Variants in ECHDC1 observed in about 807,000 individuals in gnomAD.
ECHDC1 encodes ethylmalonyl-CoA decarboxylase.
In ECHDC1, 29 loss-of-function variants were observed where a neutral mutation model predicts 29.7. The observed-to-expected ratio is 0.98, with a 90% CI of 0.73 to 1.33. The LOEUF is 1.33. Ranked by LOEUF, ECHDC1 falls within the 40% of genes most tolerant of loss-of-function variation. The pLI, the probability that ECHDC1 is intolerant of heterozygous loss-of-function variation, is 0.00. For synonymous variants in ECHDC1, 126 were observed against 123.1 expected, an observed-to-expected ratio of 1.02 and a Z score of -0.15; for missense variants, 328 against 350.0, an observed-to-expected ratio of 0.94 and a Z score of 0.50.
In ECHDC1 at chr6:127,311,707, AAAAG is replaced by A. The variant is rs71024773; in HGVS notation, c.497+3105_497+3108del. ...AAAAAAAAAAAAAAAAAGAAAAGAA[AAAAG>A]AAAGAAAGAAAGAAAGAAAACTGGG... On this transcript the variant is annotated intron_variant, in intron 5 of 5. Transcript: ENST00000454859. Among the ~76,000 whole-genome samples, 37 of 89,000 alleles carry A rather than the reference AAAAG, an allele frequency of 4.2e-4. No individual in the cohort carries two copies. The East Asian group carries it at 6.9e-3, about 17-fold the overall frequency. The allele number at this position is 89,000 out of a possible 152,430, so 58.4% of individuals were successfully genotyped here.
intron 5 of ECHDC1, among the ~76,000 whole-genome samples, chr6:127,300,500 C>T (rs567204028): frequency 3.9e-4 from 60 of 152,250 alleles, no homozygotes; most frequent in African/African-American, 1.3e-3. Context: ...ATGTTTCCAG[C>T]TGTAGTCAGA....
At chr6:127,291,684 T>C (rs75864079) in intron 5 of ECHDC1, among the ~76,000 whole-genome samples, 2,378 of 152,234 alleles carry the variant, frequency 0.016, 19 homozygotes, top group Non-Finnish European at 0.025. Flanking sequence ...TTAAGTTGGG[T>C]TGGCTTTCCA....
At chr6:127,299,718 G>C (rs1285914231) in intron 5 of ECHDC1, among the ~76,000 whole-genome samples, 13 of 152,044 alleles carry the variant, frequency 8.6e-5, no homozygotes. Context: ...AAAAGTAAAA[G>C]GAGTACATTC....
intron 3 of ECHDC1, among the ~76,000 whole-genome samples, chr6:127,321,382 T>TA (rs1782811845): frequency 6.6e-6 from 1 of 152,172 alleles, no homozygotes; most frequent in African/African-American, 2.4e-5. Context: ...TCATATATAA[T>TA]ACATGTATAA....
At chr6:127,304,386 C>A (rs530041846) in intron 5 of ECHDC1, among the ~76,000 whole-genome samples, 1 of 152,156 alleles carries the variant, frequency 6.6e-6, no homozygotes, top group South Asian at 2.1e-4. Context: ...ATCACAACAC[C>A]TACGTCCTTC....
intron 5 of ECHDC1, among the ~76,000 whole-genome samples, chr6:127,303,463 C>T (rs527828032): frequency 6.6e-6 from 1 of 152,142 alleles, no homozygotes; most frequent in Non-Finnish European, 1.5e-5. Flanking sequence ...GAAGACCAAA[C>T]CAGCCACAGC....
chr6:127,338,250 C>G (rs967041345), intron 1 of ECHDC1, among the ~76,000 whole-genome samples: 1 of 152,104 alleles, frequency 6.6e-6, no homozygotes, highest in African/African-American at 2.4e-5. Context: ...TTAGCGATTT[C>G]AGAGAGAAAG....
chr6:127,310,989 A>C (rs1450737181), intron 5 of ECHDC1, among the ~76,000 whole-genome samples: 3 of 152,222 alleles, frequency 2.0e-5, no homozygotes, highest in African/African-American at 7.2e-5. Flanking sequence ...TAATTAAGAT[A>C]GATGCATTGT....
chr6:127,338,821 GATGA>G (rs1472999179), intron 1 of ECHDC1, among the ~76,000 whole-genome samples: 1 of 152,112 alleles, frequency 6.6e-6, no homozygotes, highest in African/African-American at 2.4e-5. Context: ...ACACAGATGT[GATGA>G]ATGAAGAAAA....
intron 1 of ECHDC1, among the ~76,000 whole-genome samples, chr6:127,339,591 G>C (rs545467385): frequency 1.6e-4 from 25 of 151,912 alleles, no homozygotes; most frequent in African/African-American, 6.0e-4. Flanking sequence ...TGGCCAACAT[G>C]GCGAAACCCC....
chr6:127,303,244 A>T (rs779643333), intron 5 of ECHDC1, among the ~76,000 whole-genome samples: 10 of 144,002 alleles, frequency 6.9e-5, no homozygotes, highest in Non-Finnish European at 1.2e-4. Flanking sequence ...AAAAATAAAA[A>T]ATATATTTAT....
At chr6:127,335,501 G>GA (rs1364963969) in intron 1 of ECHDC1, among the ~76,000 whole-genome samples, 2 of 151,632 alleles carry the variant, frequency 1.3e-5, no homozygotes, top group Non-Finnish European at 3.0e-5. Context: ...ATTTTTCCAA[G>GA]AAAAAAAAGA....
At chr6:127,317,386 A>G (rs889574116) in intron 3 of ECHDC1, among the ~76,000 whole-genome samples, 2 of 152,062 alleles carry the variant, frequency 1.3e-5, no homozygotes, top group African/African-American at 4.8e-5. Flanking sequence ...AAAATCTACT[A>G]GACATTTTCA....
At chr6:127,341,688 T>C (rs1784960883) in intron 1 of ECHDC1, 1 of 152,128 alleles carries the variant, frequency 6.6e-6, no homozygotes, top group Non-Finnish European at 1.5e-5. Context: ...GCACTTCCCA[T>C]TTTTTTCAAG....
At chr6:127,291,484 A>G (rs1043090529) in intron 5 of ECHDC1, among the ~76,000 whole-genome samples, 1 of 152,014 alleles carries the variant, frequency 6.6e-6, no homozygotes, top group African/African-American at 2.4e-5. Context: ...TTCCCCAGTC[A>G]TGGGATTTTT....
Position 127,289,184 on chromosome 6 carries a change from TTTATTAC to T in ECHDC1, c.*678_*684del, listed in dbSNP as rs1779895580. On this transcript the variant is annotated 3_prime_UTR_variant, in exon 6 of 6. Coordinates refer to ENST00000454859, the MANE Select transcript of ECHDC1 (RefSeq NM_001002030.2). ...TTTAAAACTACATCAACAGTAGTTG[TTTATTAC>T]TAGTTGGAAATTCCAGGGCACACAA... 6.6e-6 allele frequency: 1 copy of T among 152,080 alleles called. No homozygotes were observed. The highest frequency in any genetic ancestry group is 6.6e-5 in the Admixed American group (1 of 15,252). 9.4% of individuals were successfully genotyped at this position (152,080 alleles called of 1,614,324 possible). A position where few individuals can be genotyped will look rare whatever the true frequency, so the allele number is the denominator to read the frequency against.
chr6:127,332,898 T>C (rs1451325368), intron 1 of ECHDC1, among the ~76,000 whole-genome samples: 1 of 152,170 alleles, frequency 6.6e-6, no homozygotes, highest in African/African-American at 2.4e-5. Flanking sequence ...GTTGAAGTGA[T>C]TCTCGTGCCT....
intron 3 of ECHDC1, among the ~76,000 whole-genome samples, chr6:127,324,007 G>C (rs1783075274): frequency 6.6e-6 from 1 of 152,148 alleles, no homozygotes; most frequent in Non-Finnish European, 1.5e-5. Flanking sequence ...CATAGCTCAT[G>C]TAAAACTTAT....
intron 5 of ECHDC1, among the ~76,000 whole-genome samples, chr6:127,307,201 C>T (rs1274070361): frequency 1.3e-5 from 2 of 151,924 alleles, no homozygotes; most frequent in Non-Finnish European, 2.9e-5. Flanking sequence ...GCTATAAGTG[C>T]CTACATCAAA....
Sources: gnomAD v4.1 joint callset for allele counts (sites outside exome capture counted in the v4.1 genomes callset) on GRCh38, gnomAD v4.1.1 for gene constraint, MANE v1.5 for transcripts, NCBI Gene and HGNC (gene_info 2026-07-23, HGNC 2026-07-21) for gene names.